The following MTAP variants were observed in gnomAD, a reference collection of about 807,000 sequenced individuals.
MTAP encodes the protein S-methyl-5'-thioadenosine phosphorylase.
Under a neutral mutation model 33.6 loss-of-function variants are expected in MTAP, and 33 were observed. That is an observed-to-expected ratio of 0.98 (90% CI 0.74 to 1.31). The LOEUF (loss-of-function observed/expected upper bound fraction) is 1.31, where lower values mean the gene tolerates loss of function less well. Ranked by LOEUF, MTAP falls within the 40% of genes most tolerant of loss-of-function variation. The probability of loss-of-function intolerance (pLI) is 0.00; values close to 1 mark genes in which losing one functional copy is unlikely to be tolerated. For missense variants in MTAP, 367 were observed against 360.0 expected, an observed-to-expected ratio of 1.02 and a Z score of -0.16; for synonymous variants, 148 against 125.7, an observed-to-expected ratio of 1.18 and a Z score of -1.19.
intron 1 of MTAP, among the ~76,000 whole-genome samples, chr9:21,912,051 G>A (rs1398680670): frequency 2.6e-5 from 4 of 152,206 alleles, no homozygotes; most frequent in African/African-American, 4.8e-5. Context: ...TAAATTCCTC[G>A]ACACATACAC....
At chr9:21,826,387 C>G (rs752442306) in intron 4 of MTAP, among the ~76,000 whole-genome samples, 1 of 151,588 alleles carries the variant, frequency 6.6e-6, no homozygotes, top group Non-Finnish European at 1.5e-5. Context: ...CTTTTACTGC[C>G]TATCCACATT....
At chr9:21,822,135 T>G (rs956307586) in intron 4 of MTAP, among the ~76,000 whole-genome samples, 3 of 152,322 alleles carry the variant, frequency 2.0e-5, no homozygotes. Context: ...CTCCTTCAGT[T>G]CTTCTCTGAT....
chr9:21,849,377 C>T (rs1427162376), intron 5 of MTAP, among the ~76,000 whole-genome samples: 1 of 152,144 alleles, frequency 6.6e-6, no homozygotes. Context: ...ATGTGGTCCT[C>T]CAGTTAAAGT....
chr9:21,920,026 G>C (rs1407883746), intron 1 of MTAP, among the ~76,000 whole-genome samples: 1 of 151,482 alleles, frequency 6.6e-6, no homozygotes, highest in Non-Finnish European at 1.5e-5. Context: ...AAATGTATAT[G>C]ATATTACATT....
At chr9:21,867,871 C>G (rs948569696), downstream of MTAP, among the ~76,000 whole-genome samples, 3 of 152,078 alleles carry the variant, frequency 2.0e-5, no homozygotes, top group African/African-American at 7.2e-5. Context: ...GGCTAAAATT[C>G]TCAGTGTCAT....
intron 5 of MTAP, among the ~76,000 whole-genome samples, chr9:21,845,256 T>C (rs1166244776): frequency 3.3e-5 from 5 of 152,148 alleles, no homozygotes; most frequent in Non-Finnish European, 7.4e-5. Flanking sequence ...TGTTCACCAA[T>C]GATATGATCG....
At chr9:21,826,907 C>T (rs1011620944) in intron 4 of MTAP, among the ~76,000 whole-genome samples, 8 of 152,064 alleles carry the variant, frequency 5.3e-5, no homozygotes, top group African/African-American at 1.9e-4. Flanking sequence ...GCATTAGAGT[C>T]TCATAGGAGC....
intron 1 of MTAP, among the ~76,000 whole-genome samples, chr9:21,813,136 C>G (rs1451710856): frequency 6.6e-6 from 1 of 152,214 alleles, no homozygotes; most frequent in Non-Finnish European, 1.5e-5. Context: ...GTACTTCATC[C>G]CAGTTGTACT....
chr9:21,812,864 G>C (rs1824385366), intron 1 of MTAP, among the ~76,000 whole-genome samples: 1 of 152,202 alleles, frequency 6.6e-6, no homozygotes. Context: ...TTGTATCCCA[G>C]CTTTGCTCCT....
chr9:21,818,933 C>T (rs550957123), intron 4 of MTAP, among the ~76,000 whole-genome samples: 1 of 152,300 alleles, frequency 6.6e-6, no homozygotes, highest in African/African-American at 2.4e-5. Flanking sequence ...ACCCCAGCCC[C>T]TGGTAACCTT....
rs1381893130 is a variant in MTAP at position 21,865,164 on chromosome 9, A to G, written c.*3150A>G. ...TTGTGGGAGGGACCCAGTGGGAGGT[A>G]ATTAAATCATGGGGGTGGTTACCCC... On this transcript the variant is annotated 3_prime_UTR_variant, in exon 8 of 8. Coordinates refer to ENST00000644715, the MANE Select transcript of MTAP (RefSeq NM_002451.4). The G allele has an allele frequency of 1.1e-6, 1 of 892,654 alleles. No individual in the cohort carries two copies. The highest frequency in any genetic ancestry group is 6.2e-5 in the Admixed American group (1 of 16,102). The allele number at this position is 892,654 out of a possible 1,614,324, so 55.3% of individuals were successfully genotyped here.
At chr9:21,803,034 A>ACACACACACACC (rs1587187341) in intron 1 of MTAP, 5 of 1,021,356 alleles carry the variant, frequency 4.9e-6, no homozygotes, top group East Asian at 3.4e-5. Flanking sequence ...ACACACACAC[A>ACACACACACACC]CACCACCTTT....
intron 1 of MTAP, among the ~76,000 whole-genome samples, chr9:21,887,165 G>T (rs189374063): frequency 6.6e-6 from 1 of 151,984 alleles, no homozygotes; most frequent in African/African-American, 2.4e-5. Context: ...CAACGTGCCC[G>T]TTTGTTACAT....
At chr9:21,851,300 A>G (rs1825505495) in intron 5 of MTAP, among the ~76,000 whole-genome samples, 1 of 152,166 alleles carries the variant, frequency 6.6e-6, no homozygotes, top group Non-Finnish European at 1.5e-5. Context: ...GACCAGCTAC[A>G]GAAATGAGGA....
chr9:21,924,029 G>A (rs530349298), intron 1 of MTAP, among the ~76,000 whole-genome samples: 5 of 152,230 alleles, frequency 3.3e-5, no homozygotes, highest in African/African-American at 4.8e-5. Flanking sequence ...TGGTAAGACC[G>A]GTTTATTCTG....
intron 3 of MTAP, among the ~76,000 whole-genome samples, chr9:21,817,469 T>C (rs914284981): frequency 4.6e-5 from 7 of 151,910 alleles, no homozygotes; most frequent in Admixed American, 1.3e-4. Context: ...CAAGCTCGTG[T>C]AGTTGTAGGA....
At chr9:21,938,386 C>A (rs1378965167), downstream of MTAP, among the ~76,000 whole-genome samples, 1 of 151,146 alleles carries the variant, frequency 6.6e-6, no homozygotes, top group Non-Finnish European at 1.5e-5. Context: ...CTGCAGTGAG[C>A]CATGATTATG....
chr9:21,837,788 T>C (rs1825146366), intron 4 of MTAP, 120 bp from the exon 5 acceptor site: 2 of 737,990 alleles, frequency 2.7e-6, no homozygotes, highest in Non-Finnish European at 4.6e-6. Flanking sequence ...TCCAGAGGAA[T>C]TGAGTCTGGA....
rs1825840746 is a variant in MTAP, at chr9:21,865,590, T to C, written c.*3576T>C. On this transcript the variant is annotated 3_prime_UTR_variant, in exon 8 of 8. Coordinates refer to ENST00000644715, the MANE Select transcript of MTAP (RefSeq NM_002451.4). Reference sequence around the variant, plus strand: ...TCTCCTCATAATAGTATAGAATAATTCAAGATAGGCAAGAAGGACAGCAGT... The same window carrying C: ...TCTCCTCATAATAGTATAGAATAATCCAAGATAGGCAAGAAGGACAGCAGT... 1 of 985,844 alleles carries C rather than the reference T, an allele frequency of 1.0e-6. No individual in the cohort carries two copies. The allele number at this position is 985,844 out of a possible 1,614,324, so 61.1% of individuals were successfully genotyped here.
Sources: allele counts gnomAD v4.1 joint callset (sites outside exome capture counted in the v4.1 genomes callset), GRCh38; gene constraint gnomAD v4.1.1; transcripts MANE v1.5; gene names NCBI Gene and HGNC (gene_info 2026-07-23, HGNC 2026-07-21).